Variants in CARMIL1 observed in about 807,000 individuals in gnomAD.
The protein encoded by CARMIL1 is capping protein regulator and myosin 1 linker 1.
Under a neutral mutation model 177.1 loss-of-function variants are expected in CARMIL1, and 90 were observed. That is an observed-to-expected ratio of 0.51 (90% confidence interval 0.43 to 0.61). CARMIL1 has a LOEUF of 0.61. Ranked by LOEUF, CARMIL1 falls within the 20% of genes least tolerant of loss-of-function variation. The pLI is 0.00. For synonymous variants in CARMIL1, 577 were observed against 606.2 expected (o/e 0.95, Z 0.71); for missense variants, 1,380 against 1,667.0 (o/e 0.83, Z 3.00).
chr6:25,454,535 G>T (rs1562161140), intron 8 of CARMIL1, among the ~76,000 whole-genome samples: 1 of 152,068 alleles, frequency 6.6e-6, no homozygotes. Flanking sequence ...TTATATTATT[G>T]ACTTATTTTA....
chr6:25,312,621 G>T (rs1783923431), intron 2 of CARMIL1, among the ~76,000 whole-genome samples: 1 of 151,954 alleles, frequency 6.6e-6, no homozygotes. Context: ...TTACTTGGTT[G>T]GGAGATTAAT....
rs545382301 is a variant in CARMIL1, at chr6:25,577,141, T to G, written c.2743-3783T>G. On this transcript the variant is annotated intron_variant, in intron 29 of 36. Transcript: ENST00000329474. The surrounding 1 kb of genome is among the most constrained non-coding windows in gnomAD (Gnocchi z 4.5). The stretch of plus-strand genomic sequence containing the variant: ...ATCCTGAATGAAATAGGCAACAATT[T>G]AGAGACAAGATTGGATTTTGCAAGA... 3.0e-6 allele frequency: 3 copies of G among 985,294 alleles called. No homozygotes were observed. Among genetic ancestry groups the G allele is most frequent in the South Asian group, 9.4e-5 (2 of 21,276 alleles). The allele number at this position is 985,294 out of a possible 1,614,324, so 61.0% of individuals were successfully genotyped here. A position where few individuals can be genotyped will look rare whatever the true frequency, so the allele number is the denominator to read the frequency against.
chr6:25,591,009 GT>G (rs1253519121), intron 31 of CARMIL1, among the ~76,000 whole-genome samples: 1 of 151,990 alleles, frequency 6.6e-6, no homozygotes, highest in Non-Finnish European at 1.5e-5. Flanking sequence ...AATTTTCCAT[GT>G]TTTTTACATT....
At chr6:25,404,089 C>A (rs935762282) in intron 2 of CARMIL1, among the ~76,000 whole-genome samples, 1 of 152,148 alleles carries the variant, frequency 6.6e-6, no homozygotes, top group Non-Finnish European at 1.5e-5. Context: ...TCTGGTGTAA[C>A]CCTGCCTCCC....
intron 29 of CARMIL1, among the ~76,000 whole-genome samples, chr6:25,564,511 A>C (rs939021396): frequency 2.0e-4 from 30 of 152,172 alleles, no homozygotes; most frequent in African/African-American, 6.7e-4. Context: ...TATTATTGTC[A>C]CTCTGTTTTA....
chr6:25,287,069 G>A lies in CARMIL1; in HGVS notation c.138+2160G>A, dbSNP rs369226779. On this transcript the variant is annotated intron_variant, in intron 2 of 36. Transcript: ENST00000329474. ...TATTAATAGAAATACTCAAGGTCTG[G>A]CTTTCTTTGACAGGCTTCAAGTTAG... Among the ~76,000 whole-genome samples, 3 of 152,206 alleles carry A rather than the reference G, an allele frequency of 2.0e-5. No individual in the cohort carries two copies. In the East Asian group the frequency reaches 5.8e-4, roughly 29 times the overall value.
At chr6:25,288,170 C>G (rs1331034835) in intron 2 of CARMIL1, among the ~76,000 whole-genome samples, 1 of 152,056 alleles carries the variant, frequency 6.6e-6, no homozygotes, top group African/African-American at 2.4e-5. Context: ...TAGGAGTTAG[C>G]CAAGCGAAGA....
intron 2 of CARMIL1, among the ~76,000 whole-genome samples, chr6:25,413,348 G>A (rs546141002): frequency 6.6e-6 from 1 of 152,288 alleles, no homozygotes; most frequent in African/African-American, 2.4e-5. Flanking sequence ...AGGCACTCCT[G>A]GTAATCTGCA....
chr6:25,476,375 C>A (rs772451607), intron 11 of CARMIL1, among the ~76,000 whole-genome samples: 4 of 152,272 alleles, frequency 2.6e-5, no homozygotes, highest in African/African-American at 7.2e-5. Flanking sequence ...ATTTTGACAT[C>A]CTGGAAATAT....
intron 33 of CARMIL1, 149 bp downstream of exon 33, chr6:25,600,895 C>G: frequency 1.3e-6 from 1 of 769,882 alleles, no homozygotes. Flanking sequence ...TTACTCTCTT[C>G]TTGCTATTTT....
intron 5 of CARMIL1, among the ~76,000 whole-genome samples, chr6:25,449,230 A>G (rs1798547496): frequency 6.6e-6 from 1 of 152,154 alleles, no homozygotes; most frequent in Non-Finnish European, 1.5e-5. Context: ...TTTTCTCACA[A>G]TAACCCTATG....
At chr6:25,518,883 A>C (rs1439813920) in intron 22 of CARMIL1, among the ~76,000 whole-genome samples, 3 of 152,238 alleles carry the variant, frequency 2.0e-5, no homozygotes, top group Non-Finnish European at 4.4e-5. Context: ...AAAATTGTCA[A>C]GGCCGTAAAA....
At chr6:25,292,342 A>T (rs1341193276) in intron 2 of CARMIL1, among the ~76,000 whole-genome samples, 4 of 152,232 alleles carry the variant, frequency 2.6e-5, no homozygotes, top group Admixed American at 2.6e-4. Context: ...AATAACACTG[A>T]AACAATCTTT....
At chr6:25,570,066 G>A (rs745512287) in intron 29 of CARMIL1, among the ~76,000 whole-genome samples, 39 of 151,928 alleles carry the variant, frequency 2.6e-4, no homozygotes, top group African/African-American at 8.7e-4. Context: ...CCGAGTTCAC[G>A]CCATTCTCCT....
At chr6:25,609,492 T>C (rs1468754905) in intron 35 of CARMIL1, among the ~76,000 whole-genome samples, 2 of 151,382 alleles carry the variant, frequency 1.3e-5, no homozygotes, top group African/African-American at 4.9e-5. Context: ...GAGACTAGAA[T>C]TCTAGTCCTA....
At chr6:25,405,257 G>A (rs1485972176) in intron 2 of CARMIL1, among the ~76,000 whole-genome samples, 1 of 152,218 alleles carries the variant, frequency 6.6e-6, no homozygotes, top group Non-Finnish European at 1.5e-5. Context: ...GCTCCCTTGA[G>A]CATGCCCTTT....
intron 20 of CARMIL1, among the ~76,000 whole-genome samples, chr6:25,514,444 G>T (rs2151059704): frequency 6.6e-6 from 1 of 151,648 alleles, no homozygotes; most frequent in Non-Finnish European, 1.5e-5. Flanking sequence ...CTACTCGGTA[G>T]GCTGAGGCAG....
At chr6:25,590,899 A>G (rs556328135) in intron 31 of CARMIL1, among the ~76,000 whole-genome samples, 1 of 152,170 alleles carries the variant, frequency 6.6e-6, no homozygotes, top group South Asian at 2.1e-4. Flanking sequence ...TCTAAGAGTC[A>G]ACTGTTTTAT....
At chr6:25,443,304 G>A (rs989184277) in intron 5 of CARMIL1, among the ~76,000 whole-genome samples, 2 of 152,160 alleles carry the variant, frequency 1.3e-5, no homozygotes, top group African/African-American at 4.8e-5. Flanking sequence ...GAACCAAGAT[G>A]AACCATTCCA....
Sources: gnomAD v4.1 joint callset for allele counts (sites outside exome capture counted in the v4.1 genomes callset) on GRCh38, gnomAD v4.1.1 for gene constraint, Gnocchi (gnomAD v3.1) non-coding constraint, MANE v1.5 for transcripts, NCBI Gene and HGNC (gene_info 2026-07-23, HGNC 2026-07-21) for gene names.